Variants in KIAA1217 observed in about 807,000 individuals in gnomAD.
KIAA1217 encodes KIAA1217, also known as sickle tail protein homolog.
KIAA1217 carries 88 observed loss-of-function variants against 163.9 expected under a neutral mutation model. The ratio of observed to expected loss-of-function variants is 0.54; its 90% CI spans 0.45 to 0.64. The LOEUF (loss-of-function observed/expected upper bound fraction) is 0.64, where lower values mean the gene tolerates loss of function less well. Ranked by LOEUF, KIAA1217 falls within the 30% of genes least tolerant of loss-of-function variation. The pLI, the probability that KIAA1217 is intolerant of heterozygous loss-of-function variation, is 0.00. For synonymous variants in KIAA1217, 903 were observed against 923.1 expected (o/e 0.98, Z 0.39); for missense variants, 2,372 against 2,475.0 (o/e 0.96, Z 0.88).
At chr10:23,797,663 A>G (rs1257716154) in intron 1 of KIAA1217, among the ~76,000 whole-genome samples, 2 of 152,152 alleles carry the variant, frequency 1.3e-5, no homozygotes, top group African/African-American at 4.8e-5. Flanking sequence ...CAAAAGGGGA[A>G]GTGCCACACC....
intron 1 of KIAA1217, among the ~76,000 whole-genome samples, chr10:23,842,496 T>C (rs530779070): frequency 6.6e-6 from 1 of 152,238 alleles, no homozygotes; most frequent in South Asian, 2.1e-4. Flanking sequence ...TCCACACATA[T>C]TCTCGGATTA....
chr10:24,363,152 G>A (rs2050252814), intron 2 of KIAA1217, among the ~76,000 whole-genome samples: 1 of 152,112 alleles, frequency 6.6e-6, no homozygotes, highest in African/African-American at 2.4e-5. Flanking sequence ...CATAGCAAAA[G>A]AAATAAAATA....
At chr10:24,031,187 C>T (rs1288143960) in intron 2 of KIAA1217, among the ~76,000 whole-genome samples, 1 of 152,180 alleles carries the variant, frequency 6.6e-6, no homozygotes, top group Admixed American at 6.5e-5. Flanking sequence ...CCCACCAACA[C>T]TTACTTTCTA....
At chr10:24,160,922 A>G (rs1372047723) in intron 2 of KIAA1217, among the ~76,000 whole-genome samples, 1 of 152,232 alleles carries the variant, frequency 6.6e-6, no homozygotes, top group African/African-American at 2.4e-5. Flanking sequence ...GTTTGAATTT[A>G]ATAGCATTAA....
At position 24,180,779 on chromosome 10, in the gene KIAA1217, T is replaced by A. The variant is rs148122090; in HGVS notation, c.-170-38847T>A. 2.6e-3 allele frequency among the ~76,000 whole-genome samples: 400 copies of A among 152,350 alleles called. 3 individuals carry two copies. Among genetic ancestry groups the A allele is most frequent in the African/African-American group, 9.0e-3 (376 of 41,584 alleles). On this transcript the variant is annotated intron_variant, in intron 2 of 18. Coordinates refer to the KIAA1217 transcript ENST00000376462. Reference sequence around the variant, plus strand: ...GTGTTGTTTTAAGTTATGTGAGTCTTCTATTGTTATTTAACTTCTCACATT... The same window carrying A: ...GTGTTGTTTTAAGTTATGTGAGTCTACTATTGTTATTTAACTTCTCACATT...
chr10:24,009,007 A>T (rs1231707368), intron 2 of KIAA1217, among the ~76,000 whole-genome samples: 1 of 152,190 alleles, frequency 6.6e-6, no homozygotes, highest in African/African-American at 2.4e-5. Flanking sequence ...CCTTTTATGG[A>T]TGCATAGTTC....
At chr10:23,798,130 G>GAA (rs1285347446) in intron 1 of KIAA1217, among the ~76,000 whole-genome samples, 1 of 152,130 alleles carries the variant, frequency 6.6e-6, no homozygotes, top group Non-Finnish European at 1.5e-5. Context: ...GTTGTAGAGG[G>GAA]AAAATATTAG....
chr10:24,004,493 A>G (rs1846900229), intron 1 of KIAA1217, among the ~76,000 whole-genome samples: 1 of 152,232 alleles, frequency 6.6e-6, no homozygotes, highest in South Asian at 2.1e-4. Flanking sequence ...ATTTGGAACT[A>G]TATTCTAATA....
chr10:23,767,952 T>G (rs1451735467), intron 1 of KIAA1217, among the ~76,000 whole-genome samples: 1 of 152,138 alleles, frequency 6.6e-6, no homozygotes, highest in Non-Finnish European at 1.5e-5. Context: ...ACACGCTGGG[T>G]CTTCTACTTC....
At chr10:23,925,804 A>G (rs1411115210) in intron 1 of KIAA1217, among the ~76,000 whole-genome samples, 2 of 152,122 alleles carry the variant, frequency 1.3e-5, no homozygotes, top group Non-Finnish European at 2.9e-5. Flanking sequence ...GAATTCCTAC[A>G]AGCTTAGGGT....
intron 1 of KIAA1217, among the ~76,000 whole-genome samples, chr10:23,757,142 T>C (rs1833960474): frequency 6.6e-6 from 1 of 152,214 alleles, no homozygotes; most frequent in Admixed American, 6.5e-5. Context: ...CGTGGGTTCT[T>C]CCACATTTTA....
At chr10:24,106,532 A>G (rs1038461692) in intron 2 of KIAA1217, among the ~76,000 whole-genome samples, 1 of 151,676 alleles carries the variant, frequency 6.6e-6, no homozygotes, top group East Asian at 1.9e-4. Flanking sequence ...TTTCCCATTC[A>G]AGCTCTAACT....
intron 2 of KIAA1217, among the ~76,000 whole-genome samples, chr10:24,346,466 C>T (rs377612878): frequency 7.9e-5 from 12 of 151,698 alleles, no homozygotes; most frequent in Admixed American, 4.6e-4. Context: ...AGCGAGACTC[C>T]GTCTCAAAAA....
At chr10:23,729,887 C>T (rs1427153085) in intron 1 of KIAA1217, among the ~76,000 whole-genome samples, 1 of 149,810 alleles carries the variant, frequency 6.7e-6, no homozygotes. Flanking sequence ...TCTACATTTT[C>T]TTCTGTTATT....
intron 1 of KIAA1217, among the ~76,000 whole-genome samples, chr10:23,908,439 T>A (rs1354679136): frequency 6.6e-6 from 1 of 152,084 alleles, no homozygotes; most frequent in Admixed American, 6.5e-5. Context: ...CTTGGACTGC[T>A]CTTTCTCTGC....
intron 1 of KIAA1217, among the ~76,000 whole-genome samples, chr10:23,726,882 T>C (rs1838174664): frequency 6.6e-6 from 1 of 151,682 alleles, no homozygotes; most frequent in African/African-American, 2.4e-5. Flanking sequence ...TATAGAAAAG[T>C]AAAGAATTTC....
chr10:24,134,944 G>A (rs137987035), intron 2 of KIAA1217, among the ~76,000 whole-genome samples: 1 of 152,246 alleles, frequency 6.6e-6, no homozygotes, highest in East Asian at 1.9e-4. Context: ...TGAAAACAAG[G>A]AAGTGTAAGC....
rs145840766 is a variant in KIAA1217 at position 24,233,936 on chromosome 10, G to T, written c.354+14027G>T. 2.5e-3 allele frequency among the ~76,000 whole-genome samples: 383 copies of T among 152,174 alleles called. 3 individuals carry two copies. The highest frequency in any genetic ancestry group is 8.8e-3 in the African/African-American group (367 of 41,528). On this transcript the variant is annotated intron_variant, in intron 2 of 20. Coordinates refer to ENST00000376454, the MANE Select transcript of KIAA1217 (RefSeq NM_019590.5). ...ATTTGTTTCACAGGTTTTTAGTTAT[G>T]ATCACACCTTCTCTATAAGTTATGT...
chr10:23,805,715 C>G (rs12779898), intron 1 of KIAA1217, among the ~76,000 whole-genome samples: 28,838 of 151,846 alleles, frequency 0.19, 2,873 homozygotes, highest in Middle Eastern at 0.27. Context: ...AAAGCACTAA[C>G]TATAAAAGAA....
Sources: gnomAD v4.1 joint callset for allele counts (sites outside exome capture counted in the v4.1 genomes callset) on GRCh38, gnomAD v4.1.1 for gene constraint, MANE v1.5 for transcripts, NCBI Gene and HGNC (gene_info 2026-07-23, HGNC 2026-07-21) for gene names.